MRPL42: variants seen among roughly 807,000 people sequenced by gnomAD.
MRPL42 encodes large ribosomal subunit protein mL42.
In MRPL42, 17 loss-of-function variants were observed where a neutral mutation model predicts 17.9. The ratio of observed to expected loss-of-function variants is 0.95; its 90% CI spans 0.65 to 1.42. MRPL42 has a LOEUF of 1.42. MRPL42 is among the 40% of genes most tolerant of loss of function. MRPL42 has a pLI of 0.00. For synonymous variants in MRPL42, 59 were observed against 54.4 expected (o/e 1.08, Z -0.37); for missense variants, 177 against 175.2 (o/e 1.01, Z -0.06).
chr12:93,488,272 T>A (rs1953345776), intron 5 of MRPL42: 1 of 398,076 alleles, frequency 2.5e-6, no homozygotes, highest in Non-Finnish European at 4.4e-6. Context: ...GCCTGGCTCT[T>A]TTTTCTTCTT....
chr12:93,472,586 A>G (rs1879964007), intron 2 of MRPL42, among the ~76,000 whole-genome samples: 1 of 152,176 alleles, frequency 6.6e-6, no homozygotes, highest in South Asian at 2.1e-4. Context: ...TCAAAAATAA[A>G]AAATTAAAAT....
rs1332658158 is a variant in MRPL42 at position 93,510,873 on chromosome 12, T to G, written c.*9652T>G. ...TTTTATGGGGGACCAGTGTTAAGAT[T>G]AGATCTGTTTAAAGAGAAAGGAGAG... On this transcript the variant is annotated 3_prime_UTR_variant, in exon 6 of 6. Transcript: ENST00000549982. The G allele has an allele frequency of 6.6e-6, 1 of 152,338 alleles. No individual in the cohort carries two copies. Among genetic ancestry groups the G allele is most frequent in the East Asian group, 1.9e-4 (1 of 5,192 alleles). 9.4% of individuals were successfully genotyped at this position (152,338 alleles called of 1,614,324 possible). A position where few individuals can be genotyped will look rare whatever the true frequency, so the allele number is the denominator to read the frequency against.
intron 1 of MRPL42, among the ~76,000 whole-genome samples, chr12:93,468,088 C>G (rs145673724): frequency 3.9e-5 from 6 of 152,312 alleles, no homozygotes; most frequent in African/African-American, 1.4e-4. Context: ...ATCGATTGAC[C>G]TCTCTGAGCC....
chr12:93,485,988 T>C (rs1016620728), intron 4 of MRPL42, among the ~76,000 whole-genome samples: 19 of 147,466 alleles, frequency 1.3e-4, no homozygotes, highest in African/African-American at 3.2e-4. Context: ...TTTTTGTTTT[T>C]AAATTTTTTG....
At chr12:93,475,408 G>A (rs918750322) in intron 2 of MRPL42, among the ~76,000 whole-genome samples, 8 of 151,944 alleles carry the variant, frequency 5.3e-5, no homozygotes, top group Non-Finnish European at 7.4e-5. Context: ...GAGCCACTGC[G>A]CCTGGCGAAT....
At chr12:93,490,099 G>A (rs576528696) in intron 5 of MRPL42, among the ~76,000 whole-genome samples, 35 of 152,254 alleles carry the variant, frequency 2.3e-4, no homozygotes, top group South Asian at 1.2e-3. Flanking sequence ...TTCAGTACCT[G>A]TTTCTTTCCT....
rs750059877 is a variant in MRPL42 at position 93,469,258 on chromosome 12, T to C, written c.-28T>C. The C allele has an allele frequency of 6.4e-6, 10 of 1,573,530 alleles. No individual in the cohort carries two copies. Among genetic ancestry groups the C allele is most frequent in the Non-Finnish European group, 7.8e-6 (9 of 1,157,694 alleles). Reference sequence around the variant, plus strand: ...TTTCTCTTCAGAACATCTTTTTTCATACCACTTGATAAGCATCTTGAAACA... The same window carrying C: ...TTTCTCTTCAGAACATCTTTTTTCACACCACTTGATAAGCATCTTGAAACA... On this transcript the variant is annotated 5_prime_UTR_variant, in exon 2 of 6. Transcript: ENST00000549982.
chr12:93,487,790 A>G, intron 5 of MRPL42, 130 bp downstream of exon 5: 3 of 830,294 alleles, frequency 3.6e-6, no homozygotes, highest in Non-Finnish European at 3.7e-6. Flanking sequence ...ATCACCTACT[A>G]TGTTGTACTT....
At chr12:93,497,168 CTA>C (rs1310314795) in intron 5 of MRPL42, among the ~76,000 whole-genome samples, 1 of 152,118 alleles carries the variant, frequency 6.6e-6, no homozygotes, top group East Asian at 1.9e-4. Flanking sequence ...CCTACTGATA[CTA>C]TTCCCCCAAC....
rs368824670 is a variant in MRPL42, at chr12:93,481,117, C to T, written c.219+1645C>T. Among the ~76,000 whole-genome samples, 36 of 152,246 alleles carry T rather than the reference C, an allele frequency of 2.4e-4. No individual in the cohort carries two copies. In the East Asian group the frequency reaches 6.6e-3, roughly 28 times the overall value. On this transcript the variant is annotated intron_variant, in intron 4 of 5. Coordinates refer to ENST00000549982, the MANE Select transcript of MRPL42 (RefSeq NM_014050.4). ...GAATGCCAGGTCATTTCATAGCATC[C>T]AGACTCTTATCCCCAAATGGCTCTT...
At chr12:93,473,261 T>C (rs191594622) in intron 2 of MRPL42, among the ~76,000 whole-genome samples, 1 of 152,262 alleles carries the variant, frequency 6.6e-6, no homozygotes, top group East Asian at 1.9e-4. Flanking sequence ...GTAATGAATG[T>C]TTCCTTATTT....
At chr12:93,496,976 A>G (rs1416312893) in intron 5 of MRPL42, among the ~76,000 whole-genome samples, 4 of 152,154 alleles carry the variant, frequency 2.6e-5, no homozygotes, top group Admixed American at 6.5e-5. Context: ...TCTAGAGGCA[A>G]TGGACAAATT....
chr12:93,486,594 TC>T (rs1266131086), intron 4 of MRPL42, among the ~76,000 whole-genome samples: 2 of 152,172 alleles, frequency 1.3e-5, no homozygotes, highest in African/African-American at 4.8e-5. Flanking sequence ...TGCCTTGGCC[TC>T]CCAAAGTGCT....
intron 5 of MRPL42, among the ~76,000 whole-genome samples, chr12:93,496,929 CTAT>C (rs1345736276): frequency 1.3e-5 from 2 of 151,990 alleles, no homozygotes; most frequent in African/African-American, 2.4e-5. Context: ...TCCTCAGAGA[CTAT>C]TATTAGGAAC....
chr12:93,476,546 C>T lies in MRPL42; in HGVS notation c.71-408C>T, dbSNP rs190800615. On this transcript the variant is annotated intron_variant, in intron 2 of 5. Transcript: ENST00000549982. Reference sequence around the variant, plus strand: ...TTTTTTTTCTTACCTGGAGTCCTTGCGCCTTTTACTCACTCTGCTAGAAAC... The same window carrying T: ...TTTTTTTTCTTACCTGGAGTCCTTGTGCCTTTTACTCACTCTGCTAGAAAC... Among the ~76,000 whole-genome samples the T allele has an allele frequency of 1.8e-4, 27 of 152,210 alleles. No individual in the cohort carries two copies. In the South Asian group the frequency reaches 1.9e-3, roughly 11 times the overall value.
At position 93,503,279 on chromosome 12, in the gene MRPL42, G is replaced by A. The variant is rs1953621975; in HGVS notation, c.*2058G>A. 6.6e-6 allele frequency: 1 copy of A among 152,118 alleles called. No homozygotes were observed. Among genetic ancestry groups the A allele is most frequent in the South Asian group, 2.1e-4 (1 of 4,834 alleles). 9.4% of individuals were successfully genotyped at this position (152,118 alleles called of 1,614,324 possible). ...AGTGACTTTTAAAAGCACTTAATTA[G>A]CAGAGAATTTGGATGTTCATTAGTT... On this transcript the variant is annotated 3_prime_UTR_variant, in exon 6 of 6. Transcript: ENST00000549982.
At position 93,485,005 on chromosome 12, in the gene MRPL42, T is replaced by TATACAC. The variant is rs1555201420; in HGVS notation, c.220-2489_220-2488insCACATA. ...ATATATATATATATATATATATATATATATATATATATATATATATATAAA... is the reference window on the plus strand; with the variant it reads ...ATATATATATATATATATATATATATATACACATATATATATATATATATATATAAA... On this transcript the variant is annotated intron_variant, in intron 4 of 5. Transcript: ENST00000549982. 4.8e-4 allele frequency among the ~76,000 whole-genome samples: 24 copies of TATACAC among 49,694 alleles called. 3 individuals are homozygous for TATACAC. Among genetic ancestry groups the TATACAC allele is most frequent in the African/African-American group, 2.2e-3 (23 of 10,408 alleles). The allele number at this position is 49,694 out of a possible 152,430, so 32.6% of individuals were successfully genotyped here.
chr12:93,515,041 C>T lies in MRPL42; in HGVS notation c.*13820C>T, dbSNP rs1226929732. Reference sequence around the variant, plus strand: ...ATACACTCTCCACCCTTCTTGATTCCTTTTCGGGAGAAAAGAAAAAAGTTT... The same window carrying T: ...ATACACTCTCCACCCTTCTTGATTCTTTTTCGGGAGAAAAGAAAAAAGTTT... On this transcript the variant is annotated 3_prime_UTR_variant, in exon 6 of 6. Coordinates refer to ENST00000549982, the MANE Select transcript of MRPL42 (RefSeq NM_014050.4). 6.6e-6 allele frequency: 1 copy of T among 152,162 alleles called. No individual in the cohort carries two copies. Among genetic ancestry groups the T allele is most frequent in the Non-Finnish European group, 1.5e-5 (1 of 68,024 alleles). 9.4% of individuals were successfully genotyped at this position (152,162 alleles called of 1,614,324 possible).
intron 4 of MRPL42, among the ~76,000 whole-genome samples, chr12:93,479,674 A>C (rs993116328): frequency 6.6e-6 from 1 of 152,084 alleles, no homozygotes; most frequent in African/African-American, 2.4e-5. Flanking sequence ...TACAAAATGA[A>C]CCATTTAAAC....
Sources: allele counts gnomAD v4.1 joint callset (sites outside exome capture counted in the v4.1 genomes callset), GRCh38; gene constraint gnomAD v4.1.1; transcripts MANE v1.5; gene names NCBI Gene and HGNC (gene_info 2026-07-23, HGNC 2026-07-21).